ZNHIT6: variants seen among roughly 807,000 people sequenced by gnomAD.
ZNHIT6 encodes the protein box C/D snoRNA protein 1.
In ZNHIT6, 45 loss-of-function variants were observed where a neutral mutation model predicts 57.2. That is an observed-to-expected ratio of 0.79 (90% CI 0.62 to 1.01). The LOEUF (loss-of-function observed/expected upper bound fraction) is 1.01, where lower values mean the gene tolerates loss of function less well. Among genes scored for constraint, ZNHIT6 ranks in the 50% least tolerant of loss-of-function variants. The probability of loss-of-function intolerance (pLI) is 0.00; values close to 1 mark genes in which losing one functional copy is unlikely to be tolerated. For synonymous variants in ZNHIT6, 188 were observed against 190.0 expected (o/e 0.99, Z 0.09); for missense variants, 528 against 567.3 (o/e 0.93, Z 0.70).
rs1202262016 is a variant in ZNHIT6, at chr1:85,652,229, G to A, written c.*1829C>T. On this transcript the variant is annotated 3_prime_UTR_variant, in exon 10 of 10. Coordinates refer to ENST00000370574, the MANE Select transcript of ZNHIT6 (RefSeq NM_017953.4). ...AAATTCCTATCCACCCTCATATTCA[G>A]ATCATATTCAGATCGCAAGTTCTTT... is the stretch of plus-strand genomic sequence containing the variant. The A allele has an allele frequency of 6.6e-6, 1 of 152,008 alleles. No homozygotes were observed. The highest frequency in any genetic ancestry group is 1.5e-5 in the Non-Finnish European group (1 of 67,940). The allele number at this position is 152,008 out of a possible 1,614,324, so 9.4% of individuals were successfully genotyped here. A position where few individuals can be genotyped will look rare whatever the true frequency, so the allele number is the denominator to read the frequency against.
At chr1:85,692,160 C>A (rs1461866035) in intron 5 of ZNHIT6, among the ~76,000 whole-genome samples, 2 of 152,102 alleles carry the variant, frequency 1.3e-5, no homozygotes, top group South Asian at 4.1e-4. Context: ...GACACTACAG[C>A]TGATAAATGC....
intron 8 of ZNHIT6, among the ~76,000 whole-genome samples, chr1:85,665,792 A>G (rs911861791): frequency 6.6e-6 from 1 of 152,204 alleles, no homozygotes; most frequent in African/African-American, 2.4e-5. Context: ...ACCTTGCAAA[A>G]TATGATTAGG....
chr1:85,660,519 A>T (rs566995693), intron 8 of ZNHIT6, among the ~76,000 whole-genome samples: 2 of 152,318 alleles, frequency 1.3e-5, no homozygotes, highest in Admixed American at 1.3e-4. Flanking sequence ...CAAAGGCCAC[A>T]TGAGAATCAG....
In ZNHIT6 at chr1:85,688,567, A is replaced by G. The variant is rs72726361; in HGVS notation, c.1020-7663T>C. ...CAATCGTTCCCTACCTCTCACCACC[A>G]TCCTTCGTAATCCATAACCATACCT... On this transcript the variant is annotated intron_variant, in intron 5 of 9. Transcript: ENST00000370574. Among the ~76,000 whole-genome samples, 1,472 of 152,290 alleles carry G rather than the reference A, an allele frequency of 9.7e-3. 11 individuals carry two copies. The highest frequency in any genetic ancestry group is 0.015 in the Non-Finnish European group (1,011 of 68,022).
chr1:85,701,236 G>T (rs1370699621), intron 5 of ZNHIT6, among the ~76,000 whole-genome samples: 1 of 152,068 alleles, frequency 6.6e-6, no homozygotes, highest in Non-Finnish European at 1.5e-5. Context: ...TTCAATTTTT[G>T]GAAGAGTACA....
intron 8 of ZNHIT6, among the ~76,000 whole-genome samples, chr1:85,661,787 T>G (rs1015792012): frequency 3.9e-5 from 6 of 152,184 alleles, no homozygotes; most frequent in Non-Finnish European, 7.3e-5. Flanking sequence ...TCACAAACTC[T>G]GGTATTTCCA....
chr1:85,704,312 CAT>C (rs1171157881), intron 4 of ZNHIT6, among the ~76,000 whole-genome samples: 1 of 152,058 alleles, frequency 6.6e-6, no homozygotes, highest in Non-Finnish European at 1.5e-5. Context: ...TACTATAATT[CAT>C]AGACAAAAGT....
chr1:85,674,161 T>A (rs374153619), intron 8 of ZNHIT6, among the ~76,000 whole-genome samples: 5 of 152,208 alleles, frequency 3.3e-5, no homozygotes, highest in East Asian at 3.8e-4. Context: ...TTTTCCCCCT[T>A]CCTTTGCTTT....
chr1:85,667,087 T>A (rs1267981169), intron 8 of ZNHIT6, among the ~76,000 whole-genome samples: 1 of 152,156 alleles, frequency 6.6e-6, no homozygotes, highest in Non-Finnish European at 1.5e-5. Context: ...ATTATGATTA[T>A]TTATGGTGCT....
At chr1:85,680,744 C>T in intron 6 of ZNHIT6, 92 bp downstream of exon 6, 1 of 892,732 alleles carries the variant, frequency 1.1e-6, no homozygotes, top group Non-Finnish European at 1.7e-6. Flanking sequence ...ATTTAGTTAT[C>T]CATTCTACTA....
chr1:85,680,167 C>T (rs747573929), intron 6 of ZNHIT6, among the ~76,000 whole-genome samples: 12 of 152,208 alleles, frequency 7.9e-5, no homozygotes, highest in African/African-American at 1.4e-4. Context: ...GTCCGCACCA[C>T]TGCACTCCAG....
At chr1:85,664,862 C>T (rs189858545) in intron 8 of ZNHIT6, among the ~76,000 whole-genome samples, 113 of 152,212 alleles carry the variant, frequency 7.4e-4, no homozygotes, top group Non-Finnish European at 1.4e-3. Flanking sequence ...GACACAGTCT[C>T]GCTCTGTCAC....
At chr1:85,677,337 AG>A in intron 7 of ZNHIT6, 24 bp from the exon 8 acceptor site, 1 of 1,578,882 alleles carries the variant, frequency 6.3e-7, no homozygotes, top group Non-Finnish European at 8.6e-7. Flanking sequence ...ATCATATTGA[AG>A]GAAAAGCTGA....
intron 8 of ZNHIT6, among the ~76,000 whole-genome samples, chr1:85,667,628 TAAAA>T (rs5775862): frequency 7.2e-6 from 1 of 138,040 alleles, no homozygotes; most frequent in Non-Finnish European, 1.5e-5. Context: ...TATCATCCAT[TAAAA>T]AAAAAAAAAA....
At chr1:85,667,118 CA>C (rs944421049) in intron 8 of ZNHIT6, among the ~76,000 whole-genome samples, 57 of 152,196 alleles carry the variant, frequency 3.7e-4, no homozygotes, top group African/African-American at 1.3e-3. Flanking sequence ...TACTATATTG[CA>C]AAGAACATAC....
intron 8 of ZNHIT6, among the ~76,000 whole-genome samples, chr1:85,667,961 A>AAAAATATAT: frequency 1.1e-4 from 2 of 18,202 alleles, no homozygotes; most frequent in South Asian, 4.9e-3. Flanking sequence ...AAAAAAAAAA[A>AAAAATATAT]ATATATATAT....
At chr1:85,669,484 C>T (rs1025265597) in intron 8 of ZNHIT6, among the ~76,000 whole-genome samples, 9 of 152,048 alleles carry the variant, frequency 5.9e-5, no homozygotes, top group Non-Finnish European at 1.3e-4. Context: ...GGTTGCTTTT[C>T]AAACAAAAAG....
At chr1:85,704,248 A>G (rs1162716709) in intron 4 of ZNHIT6, among the ~76,000 whole-genome samples, 6 of 152,220 alleles carry the variant, frequency 3.9e-5, no homozygotes, top group African/African-American at 1.4e-4. Flanking sequence ...CATACCACAC[A>G]ACAAAGCAAT....
chr1:85,688,088 G>A (rs143146013), intron 5 of ZNHIT6, among the ~76,000 whole-genome samples: 1 of 151,318 alleles, frequency 6.6e-6, no homozygotes, highest in African/African-American at 2.4e-5. Flanking sequence ...AAAACTACCA[G>A]TAAACTGTTT....
Sources: gnomAD v4.1 joint callset for allele counts (sites outside exome capture counted in the v4.1 genomes callset) on GRCh38, gnomAD v4.1.1 for gene constraint, MANE v1.5 for transcripts, NCBI Gene and HGNC (gene_info 2026-07-23, HGNC 2026-07-21) for gene names.